Variants in LUZP2 observed in about 807,000 individuals in gnomAD.
LUZP2 encodes the protein leucine zipper protein 2.
A neutral mutation model predicts 51.6 loss-of-function variants in LUZP2; 52 were observed. The ratio of observed to expected loss-of-function variants is 1.01; its 90% CI spans 0.81 to 1.27. LUZP2 has a LOEUF of 1.27. Ranked by LOEUF, LUZP2 falls within the 50% of genes most tolerant of loss-of-function variation. LUZP2 has a pLI of 0.00. For missense variants in LUZP2, 436 were observed against 395.4 expected (o/e 1.10, Z -0.87); for synonymous variants, 154 against 137.3 (o/e 1.12, Z -0.85).
intron 1 of LUZP2, among the ~76,000 whole-genome samples, chr11:24,633,964 G>GTGTGTATATATATA (rs141308575): frequency 6.7e-6 from 1 of 149,138 alleles, no homozygotes; most frequent in South Asian, 2.1e-4. Context: ...GTGTGTGTGT[G>GTGTGTATATATATA]TATATATAGT....
intron 1 of LUZP2, among the ~76,000 whole-genome samples, chr11:24,574,294 T>G (rs1852562372): frequency 1.4e-5 from 1 of 72,242 alleles, no homozygotes; most frequent in African/African-American, 5.1e-5. Flanking sequence ...CTTTCCTTTC[T>G]TTCTTTCTTT....
chr11:24,803,306 A>C (rs939611312), intron 5 of LUZP2, among the ~76,000 whole-genome samples: 14 of 152,046 alleles, frequency 9.2e-5, no homozygotes, highest in African/African-American at 2.2e-4. Context: ...ATTATGAGAT[A>C]CTACTTCATA....
chr11:24,611,201 C>T lies in LUZP2; in HGVS notation c.62+113896C>T, dbSNP rs1365377346. Among the ~76,000 whole-genome samples, 1 of 151,864 alleles carries T rather than the reference C, an allele frequency of 6.6e-6. No homozygotes were observed. Among genetic ancestry groups the T allele is most frequent in the Admixed American group, 6.6e-5 (1 of 15,244 alleles). On this transcript the variant is annotated intron_variant, in intron 1 of 11. Transcript: ENST00000336930. This position sits in a 1 kb window ranked among gnomAD's most constrained non-coding sequence, Gnocchi z 4.6. Reference sequence around the variant, plus strand: ...TTCATTCAAAAATAGTCAACTTTTACTTTGTGCCGAGGTTGTGCTAGCTAC... The same window carrying T: ...TTCATTCAAAAATAGTCAACTTTTATTTTGTGCCGAGGTTGTGCTAGCTAC...
intron 4 of LUZP2, among the ~76,000 whole-genome samples, chr11:24,740,132 T>C (rs541259338): frequency 6.6e-6 from 1 of 152,252 alleles, no homozygotes; most frequent in Non-Finnish European, 1.5e-5. Context: ...CACAGACTAT[T>C]TTCTCTGGTT....
At chr11:24,692,965 G>GA (rs1565080527) in intron 1 of LUZP2, among the ~76,000 whole-genome samples, 2 of 150,774 alleles carry the variant, frequency 1.3e-5, no homozygotes, top group African/African-American at 4.9e-5. Flanking sequence ...TGACTGACAA[G>GA]TTTTTTTTTA....
chr11:24,995,292 C>G (rs1293547077), intron 9 of LUZP2, among the ~76,000 whole-genome samples: 1 of 152,006 alleles, frequency 6.6e-6, no homozygotes, highest in Non-Finnish European at 1.5e-5. Context: ...ACTTGGGAGG[C>G]TGAGGGAGAA....
intron 5 of LUZP2, among the ~76,000 whole-genome samples, chr11:24,856,229 C>G (rs1338884015): frequency 6.6e-6 from 1 of 151,994 alleles, no homozygotes; most frequent in East Asian, 1.9e-4. Flanking sequence ...CTAGAATTTA[C>G]AAGGAACTTA....
At chr11:24,783,798 C>T (rs1487194879) in intron 5 of LUZP2, among the ~76,000 whole-genome samples, 1 of 151,910 alleles carries the variant, frequency 6.6e-6, no homozygotes, top group South Asian at 2.1e-4. Context: ...CTTATTTGTT[C>T]TGTTTATTCC....
intron 1 of LUZP2, among the ~76,000 whole-genome samples, chr11:24,503,467 G>A (rs2133755968): frequency 6.6e-6 from 1 of 152,290 alleles, no homozygotes; most frequent in African/African-American, 2.4e-5. Flanking sequence ...CAAGTAAACA[G>A]TGTTCTCTGA....
intron 5 of LUZP2, among the ~76,000 whole-genome samples, chr11:24,878,191 T>C (rs962993444): frequency 3.3e-5 from 5 of 151,644 alleles, no homozygotes; most frequent in African/African-American, 1.2e-4. Context: ...TTCTTTCAGA[T>C]TGAAGAACTC....
At chr11:24,709,480 G>C (rs575657091) in intron 1 of LUZP2, among the ~76,000 whole-genome samples, 1 of 152,184 alleles carries the variant, frequency 6.6e-6, no homozygotes, top group Non-Finnish European at 1.5e-5. Flanking sequence ...AATTGTCAAG[G>C]AGAAGCTAAA....
intron 7 of LUZP2, among the ~76,000 whole-genome samples, chr11:24,949,939 TC>T (rs752014983): frequency 1.3e-5 from 2 of 148,614 alleles, no homozygotes; most frequent in Admixed American, 1.4e-4. Context: ...ACTCAAATGC[TC>T]CCCCCGCCCT....
At chr11:24,931,571 C>T (rs1457638858) in intron 7 of LUZP2, among the ~76,000 whole-genome samples, 1 of 152,164 alleles carries the variant, frequency 6.6e-6, no homozygotes, top group Non-Finnish European at 1.5e-5. Flanking sequence ...TTCCAGAAGC[C>T]ATGGTTGTTT....
intron 5 of LUZP2, among the ~76,000 whole-genome samples, chr11:24,774,173 A>G (rs1028321683): frequency 2.0e-5 from 3 of 151,832 alleles, no homozygotes; most frequent in African/African-American, 4.8e-5. Flanking sequence ...TAGCCTCTCA[A>G]CCTACATCTT....
At chr11:24,546,504 CT>C (rs945218002) in intron 1 of LUZP2, among the ~76,000 whole-genome samples, 39 of 151,880 alleles carry the variant, frequency 2.6e-4, no homozygotes, top group Non-Finnish European at 4.1e-4. Flanking sequence ...TTATCAAAAG[CT>C]TTTTTTGCAC....
At chr11:24,846,850 T>C (rs973416543) in intron 5 of LUZP2, among the ~76,000 whole-genome samples, 4 of 151,968 alleles carry the variant, frequency 2.6e-5, no homozygotes, top group African/African-American at 9.7e-5. Flanking sequence ...CATATATATG[T>C]ATTTAATACA....
At chr11:24,885,133 G>C (rs73442379) in intron 5 of LUZP2, among the ~76,000 whole-genome samples, 3,320 of 152,110 alleles carry the variant, frequency 0.022, 131 homozygotes, top group African/African-American at 0.075. Context: ...ATCTATAAGA[G>C]AAATTAGAGG....
At chr11:24,709,007 G>T (rs1268411087) in intron 1 of LUZP2, among the ~76,000 whole-genome samples, 1 of 152,174 alleles carries the variant, frequency 6.6e-6, no homozygotes, top group Admixed American at 6.5e-5. Flanking sequence ...TTAGGGACTG[G>T]TGTGTCATGT....
At chr11:24,756,737 C>A (rs920552947) in intron 4 of LUZP2, among the ~76,000 whole-genome samples, 1 of 152,136 alleles carries the variant, frequency 6.6e-6, no homozygotes, top group South Asian at 2.1e-4. Context: ...AAGTAGCAGA[C>A]ACCAGCTGAG....
Sources: gnomAD v4.1 joint callset for allele counts (sites outside exome capture counted in the v4.1 genomes callset) on GRCh38, gnomAD v4.1.1 for gene constraint, Gnocchi (gnomAD v3.1) non-coding constraint, MANE v1.5 for transcripts, NCBI Gene and HGNC (gene_info 2026-07-23, HGNC 2026-07-21) for gene names.